MAP9: variants seen among roughly 807,000 people sequenced by gnomAD.
The protein encoded by MAP9 is microtubule-associated protein 9.
A neutral mutation model predicts 75.2 loss-of-function variants in MAP9; 80 were observed. That is an observed-to-expected ratio of 1.06 (90% CI 0.89 to 1.28). MAP9 has a LOEUF of 1.28. Among genes scored for constraint, MAP9 ranks in the 50% most tolerant of loss-of-function variants. The pLI is 0.00. For missense variants in MAP9, 753 were observed against 719.9 expected (o/e 1.05, Z -0.53); for synonymous variants, 235 against 237.3 (o/e 0.99, Z 0.09).
intron 10 of MAP9, among the ~76,000 whole-genome samples, chr4:155,354,049 T>A (rs1433948519): frequency 6.6e-6 from 1 of 152,012 alleles, no homozygotes; most frequent in African/African-American, 2.4e-5. Flanking sequence ...GCTACGAAAA[T>A]CAAATGAGAA....
chr4:155,371,652 A>G (rs988374577), intron 4 of MAP9, among the ~76,000 whole-genome samples: 1 of 151,852 alleles, frequency 6.6e-6, no homozygotes, highest in Non-Finnish European at 1.5e-5. Flanking sequence ...TAGAGCATTT[A>G]GGATCCTGAT....
chr4:155,357,642 A>C lies in MAP9; in HGVS notation c.1051-123T>G, dbSNP rs1578842402. On this transcript the variant is annotated intron_variant, in intron 7 of 13. Transcript: ENST00000311277. ...CTACTATGTGTCAAACACAGTAGAA[A>C]TTGGGAGCAAATCAGTGAATAAAAT... 1.4e-5 allele frequency: 9 copies of C among 641,152 alleles called. No homozygotes were observed. In the East Asian group the frequency reaches 2.6e-4, roughly 18 times the overall value. 39.7% of individuals were successfully genotyped at this position (641,152 alleles called of 1,614,324 possible).
intron 5 of MAP9, among the ~76,000 whole-genome samples, chr4:155,364,490 AAT>A (rs1171149512): frequency 5.4e-5 from 8 of 147,904 alleles, no homozygotes; most frequent in Admixed American, 2.7e-4. Flanking sequence ...ATAAGAATAG[AAT>A]ATATATTACC....
At chr4:155,351,323 A>C (rs1731499389) in intron 13 of MAP9, 1 of 151,938 alleles carries the variant, frequency 6.6e-6, no homozygotes, top group Admixed American at 6.6e-5. Flanking sequence ...TATCAGGGCA[A>C]ATTCCAAGCA....
intron 13 of MAP9, chr4:155,349,579 G>A (rs1035191754): frequency 2.0e-5 from 3 of 152,128 alleles, no homozygotes; most frequent in African/African-American, 7.2e-5. Context: ...TTTGTTTTTT[G>A]TCAATGTTAA....
intron 5 of MAP9, 108 bp from the exon 6 acceptor site, chr4:155,362,249 A>C: frequency 1.5e-6 from 1 of 689,402 alleles, no homozygotes; most frequent in Non-Finnish European, 2.4e-6. Flanking sequence ...TAACTCTGAA[A>C]TCTGCATTAT....
In MAP9 at chr4:155,348,477, C is replaced by G. The variant is rs1429695173; in HGVS notation, c.1822-572G>C. On this transcript the variant is annotated intron_variant, in intron 13 of 13. Coordinates refer to ENST00000311277, the MANE Select transcript of MAP9 (RefSeq NM_001039580.2). The stretch of plus-strand genomic sequence containing the variant: ...AATTGTATAAAATAGAAAAAAAGAC[C>G]TATAATTATAACTCAAATATAGTAA... Among the ~76,000 whole-genome samples the G allele has an allele frequency of 2.0e-5, 3 of 151,820 alleles. No homozygotes were observed. In the East Asian group the frequency reaches 5.8e-4, roughly 29 times the overall value.
Position 155,343,891 on chromosome 4 carries a change from T to C in MAP9, c.*3892A>G, listed in dbSNP as rs952264582. The C allele has an allele frequency of 6.6e-6, 1 of 151,944 alleles. No individual in the cohort carries two copies. The highest frequency in any genetic ancestry group is 2.4e-5 in the African/African-American group (1 of 41,438). The allele number at this position is 151,944 out of a possible 1,614,324, so 9.4% of individuals were successfully genotyped here. A position where few individuals can be genotyped will look rare whatever the true frequency, so the allele number is the denominator to read the frequency against. Reference sequence around the variant, plus strand: ...ACTCAGAGAAACTTCCAGTTTAACATTTACACAGCATTTTATTATCCTATT... The same window carrying C: ...ACTCAGAGAAACTTCCAGTTTAACACTTACACAGCATTTTATTATCCTATT... On this transcript the variant is annotated 3_prime_UTR_variant, in exon 14 of 14. Coordinates refer to ENST00000311277, the MANE Select transcript of MAP9 (RefSeq NM_001039580.2).
chr4:155,347,690 T>C lies in MAP9; in HGVS notation c.*93A>G. 1.7e-6 allele frequency: 2 copies of C among 1,193,476 alleles called. No individual in the cohort carries two copies. Among genetic ancestry groups the C allele is most frequent in the Non-Finnish European group, 2.3e-6 (2 of 869,952 alleles). 73.9% of individuals were successfully genotyped at this position (1,193,476 alleles called of 1,614,324 possible). On this transcript the variant is annotated 3_prime_UTR_variant, in exon 14 of 14. Coordinates refer to ENST00000311277, the MANE Select transcript of MAP9 (RefSeq NM_001039580.2). ...GAGTGTCTGGCATTTAATTAAAATA[T>C]ATTCCTCTAACTATAAATAATTGAA...
chr4:155,370,343 T>A (rs1297172878), intron 4 of MAP9, among the ~76,000 whole-genome samples: 1 of 152,230 alleles, frequency 6.6e-6, no homozygotes, highest in African/African-American at 2.4e-5. Flanking sequence ...CTCCCCATGA[T>A]CCAATCCTAC....
At chr4:155,367,990 C>T (rs775236415) in intron 5 of MAP9, among the ~76,000 whole-genome samples, 2 of 152,208 alleles carry the variant, frequency 1.3e-5, no homozygotes, top group Non-Finnish European at 2.9e-5. Context: ...GTTTGCTTCT[C>T]ATAGTGAAAT....
At chr4:155,357,781 G>A (rs879056066) in intron 7 of MAP9, among the ~76,000 whole-genome samples, 4 of 152,132 alleles carry the variant, frequency 2.6e-5, no homozygotes, top group South Asian at 4.2e-4. Flanking sequence ...CTAGAGTGGG[G>A]CTGAGGAGCT....
chr4:155,343,252 C>T lies in MAP9; in HGVS notation c.*4531G>A, dbSNP rs1340843498. 6.8e-6 allele frequency: 1 copy of T among 147,054 alleles called. No homozygotes were observed. The highest frequency in any genetic ancestry group is 2.5e-5 in the African/African-American group (1 of 40,550). The allele number at this position is 147,054 out of a possible 1,614,324, so 9.1% of individuals were successfully genotyped here. ...CATATTTGTATATACACACAGATAGCACAGGAGAGAGACAGAGTGGGAGAG... is the reference window on the plus strand; with the variant it reads ...CATATTTGTATATACACACAGATAGTACAGGAGAGAGACAGAGTGGGAGAG... On this transcript the variant is annotated 3_prime_UTR_variant, in exon 14 of 14. Transcript: ENST00000311277.
At chr4:155,369,089 G>A (rs1430495271) in intron 4 of MAP9, among the ~76,000 whole-genome samples, 3 of 152,118 alleles carry the variant, frequency 2.0e-5, no homozygotes, top group African/African-American at 7.2e-5. Context: ...TTGGGAGGCC[G>A]AGGTGGGCAG....
At chr4:155,361,782 T>A (rs1041474253) in intron 6 of MAP9, among the ~76,000 whole-genome samples, 8 of 152,142 alleles carry the variant, frequency 5.3e-5, no homozygotes, top group Admixed American at 2.6e-4. Context: ...GGCTATTAAC[T>A]AGGCTAATGG....
Position 155,360,269 on chromosome 4 carries a change from C to T in MAP9, c.949G>A (p.Ala317Thr), listed in dbSNP as rs998082100. 2 of 1,613,116 alleles carry T rather than the reference C, an allele frequency of 1.2e-6. No homozygotes were observed. The highest frequency in any genetic ancestry group is 1.7e-6 in the Non-Finnish European group (2 of 1,179,362). The change falls in exon 7 of 14, where the codon GCA becomes ACA. Residue 317 changes from alanine (A) to threonine (T), a missense_variant. Transcript: ENST00000311277. ...TCATCCATAATCAGTTCCGCTTTTG[C>T]CTTTTCTTCTTCAAGGTCATCAGCA... ...VTADDLEEEKAKAELIMDDDR... is the reference protein window; with the variant it reads ...VTADDLEEEKTKAELIMDDDR...
At position 155,344,102 on chromosome 4, in the gene MAP9, T is replaced by C. The variant is rs925731758; in HGVS notation, c.*3681A>G. On this transcript the variant is annotated 3_prime_UTR_variant, in exon 14 of 14. Coordinates refer to ENST00000311277, the MANE Select transcript of MAP9 (RefSeq NM_001039580.2). ...ATAACTAACACGTAATTTCCCCTAC[T>C]TTGTGAAATTCCTTTTCTTTATTGT... The C allele has an allele frequency of 1.3e-4, 20 of 152,090 alleles. No homozygotes were observed. Among genetic ancestry groups the C allele is most frequent in the Non-Finnish European group, 2.2e-4 (15 of 67,854 alleles). 9.4% of individuals were successfully genotyped at this position (152,090 alleles called of 1,614,324 possible).
At position 155,355,894 on chromosome 4, in the gene MAP9, T is replaced by C; in HGVS notation, c.1122-10A>G. On this transcript the variant is annotated splice_polypyrimidine_tract_variant and intron_variant, in intron 8 of 13. Coordinates refer to ENST00000311277, the MANE Select transcript of MAP9 (RefSeq NM_001039580.2). ...CTCAGAGGTCATTAATCTGAAAAGA[T>C]CCAAATGAATCAAGACAAAATATTA... The C allele has an allele frequency of 6.2e-7, 1 of 1,603,502 alleles. No homozygotes were observed. Among genetic ancestry groups the C allele is most frequent in the Non-Finnish European group, 8.5e-7 (1 of 1,172,974 alleles).
At position 155,347,784 on chromosome 4, in the gene MAP9, C is replaced by CA; in HGVS notation, c.1942dup (p.Ter648LeufsTer18). ...CAAATAATGTAAGAACTAGAATTAT[C>CA]AAAACACTTTTGCGAACACAGTTCT... On this transcript the variant is annotated frameshift_variant and stop_lost, in exon 14 of 14. Coordinates refer to ENST00000311277, the MANE Select transcript of MAP9 (RefSeq NM_001039580.2). LOFTEE classifies it high-confidence loss of function. The CA allele has an allele frequency of 6.3e-7, 1 of 1,592,520 alleles. No homozygotes were observed. Among genetic ancestry groups the CA allele is most frequent in the Non-Finnish European group, 8.5e-7 (1 of 1,172,678 alleles).
Sources: gnomAD v4.1 joint callset for allele counts (sites outside exome capture counted in the v4.1 genomes callset) on GRCh38, gnomAD v4.1.1 for gene constraint, MANE v1.5 for transcripts, NCBI Gene and HGNC (gene_info 2026-07-23, HGNC 2026-07-21) for gene names.